AVL9: variants seen among roughly 807,000 people sequenced by gnomAD.
The protein encoded by AVL9 is AVL9 cell migration associated.
A neutral mutation model predicts 79.2 loss-of-function variants in AVL9; 49 were observed. That is an observed-to-expected ratio of 0.62 (90% confidence interval 0.49 to 0.79). AVL9 has a LOEUF of 0.79. Ranked by LOEUF, AVL9 falls within the 30% of genes least tolerant of loss-of-function variation. The probability of loss-of-function intolerance (pLI) is 0.00; values close to 1 mark genes in which losing one functional copy is unlikely to be tolerated. For synonymous variants in AVL9, 299 were observed against 280.6 expected, an observed-to-expected ratio of 1.07 and a Z score of -0.65; for missense variants, 682 against 776.8, an observed-to-expected ratio of 0.88 and a Z score of 1.45.
chr7:32,502,392 C>CAAAAAAAAAAAA (rs70992721), intron 1 of AVL9, among the ~76,000 whole-genome samples: 71 of 114,318 alleles, frequency 6.2e-4, no homozygotes, highest in African/African-American at 2.1e-3. Context: ...AACCCTTTCT[C>CAAAAAAAAAAAA]AAAAAAAAAA....
In AVL9 at chr7:32,583,906, G is replaced by A. The variant is rs575367113; in HGVS notation, c.1946G>A (p.Ter649=). Residue 649 remains the stop codon, a stop_retained_variant, in exon 16 of 16, where the codon TGA becomes TAA. Coordinates refer to ENST00000318709, the MANE Select transcript of AVL9 (RefSeq NM_015060.3). ...SLTEPPDEKP[*] is the part of the protein sequence containing the mutation. ...ACTGAGCCACCAGATGAGAAGCCTT[G>A]AGCAAGGCGTCAGAGGCTGCTATTG... 3 of 1,610,184 alleles carry A rather than the reference G, an allele frequency of 1.9e-6. No homozygotes were observed. In the Admixed American group the frequency reaches 5.0e-5, roughly 27 times the overall value.
Position 32,505,164 on chromosome 7 carries a change from G to C in AVL9, c.93+9362G>C, listed in dbSNP as rs114984548. On this transcript the variant is annotated intron_variant, in intron 1 of 15. Coordinates refer to ENST00000318709, the MANE Select transcript of AVL9 (RefSeq NM_015060.3). ...GCTGGGATTACAGGTGTGAATCACT[G>C]CACCCGGCCTGATCTTTTTATTTTA... Among the ~76,000 whole-genome samples the C allele has an allele frequency of 2.1e-3, 323 of 151,772 alleles. 3 individuals are homozygous for C. Among genetic ancestry groups the C allele is most frequent in the African/African-American group, 7.5e-3 (311 of 41,380 alleles).
At chr7:32,505,738 GA>G (rs35970407) in intron 1 of AVL9, among the ~76,000 whole-genome samples, 2 of 151,500 alleles carry the variant, frequency 1.3e-5, no homozygotes, top group Admixed American at 6.6e-5. Context: ...ATGTAATTTA[GA>G]AAAAAAAGAG....
At chr7:32,503,361 GATAT>G (rs367803456) in intron 1 of AVL9, among the ~76,000 whole-genome samples, 13,282 of 120,490 alleles carry the variant, frequency 0.11, 882 homozygotes, top group East Asian at 0.17. Context: ...GATATAGAGA[GATAT>G]ATATATATAC....
At chr7:32,533,065 G>A (rs1296117733) in intron 1 of AVL9, 1 of 152,306 alleles carries the variant, frequency 6.6e-6, no homozygotes. Flanking sequence ...CCAGCACTTT[G>A]GGAGGCTGAG....
chr7:32,586,401 G>T lies in AVL9; in HGVS notation c.*2494G>T, dbSNP rs1327774813. 2 of 151,914 alleles carry T rather than the reference G, an allele frequency of 1.3e-5. No homozygotes were observed. The highest frequency in any genetic ancestry group is 2.9e-5 in the Non-Finnish European group (2 of 68,032). 9.4% of individuals were successfully genotyped at this position (151,914 alleles called of 1,614,324 possible). ...AGGAACACTGGCTGTTGTATTGTTG[G>T]CAGGGGCCCCAAGGCAGCTCGCACA... On this transcript the variant is annotated 3_prime_UTR_variant, in exon 16 of 16. Coordinates refer to ENST00000318709, the MANE Select transcript of AVL9 (RefSeq NM_015060.3).
chr7:32,536,695 C>G (rs906798411), intron 1 of AVL9: 1 of 152,214 alleles, frequency 6.6e-6, no homozygotes, highest in South Asian at 2.1e-4. Flanking sequence ...GCACCAATCA[C>G]AAGTCCTGGG....
chr7:32,564,578 C>T (rs1010452305), intron 10 of AVL9, among the ~76,000 whole-genome samples: 4 of 152,088 alleles, frequency 2.6e-5, no homozygotes, highest in Admixed American at 2.0e-4. Flanking sequence ...TAATTATTTC[C>T]GGAAGAAAGT....
At chr7:32,523,115 C>A (rs1788234053) in intron 1 of AVL9, among the ~76,000 whole-genome samples, 1 of 122,800 alleles carries the variant, frequency 8.1e-6, no homozygotes, top group Middle Eastern at 6.0e-3. Flanking sequence ...CCTCATGGGT[C>A]TATAGATGGT....
At chr7:32,534,882 A>T (rs530113230) in intron 1 of AVL9, 8 of 152,300 alleles carry the variant, frequency 5.3e-5, no homozygotes, top group African/African-American at 1.9e-4. Flanking sequence ...TGGAAGGTGG[A>T]GGTTGCAGTG....
At chr7:32,548,143 T>G (rs1789609790) in intron 3 of AVL9, among the ~76,000 whole-genome samples, 1 of 125,876 alleles carries the variant, frequency 7.9e-6, no homozygotes, top group Admixed American at 8.8e-5. Context: ...TTTTGTCATC[T>G]CTTTTTTCTT....
intron 5 of AVL9, among the ~76,000 whole-genome samples, chr7:32,551,747 T>C (rs1381434870): frequency 2.0e-5 from 3 of 151,928 alleles, no homozygotes; most frequent in Non-Finnish European, 4.4e-5. Context: ...GCACAGTATT[T>C]TTATATATTA....
intron 1 of AVL9, among the ~76,000 whole-genome samples, chr7:32,505,701 C>G (rs570681189): frequency 5.3e-5 from 8 of 152,114 alleles, no homozygotes; most frequent in Non-Finnish European, 1.5e-5. Flanking sequence ...TCTCCACTTG[C>G]GTTCTTTAAT....
intron 1 of AVL9, among the ~76,000 whole-genome samples, chr7:32,502,966 G>T (rs1430245316): frequency 6.6e-6 from 1 of 152,152 alleles, no homozygotes; most frequent in East Asian, 1.9e-4. Context: ...TTGATTGGGA[G>T]ACCACATCTA....
At chr7:32,499,040 G>GT in intron 1 of AVL9, among the ~76,000 whole-genome samples, 1 of 131,586 alleles carries the variant, frequency 7.6e-6, no homozygotes, top group Non-Finnish European at 1.6e-5. Context: ...GCACATGCCT[G>GT]TGATCCCAGC....
chr7:32,527,638 T>C (rs2128127021), intron 1 of AVL9, among the ~76,000 whole-genome samples: 1 of 152,282 alleles, frequency 6.6e-6, no homozygotes, highest in South Asian at 2.1e-4. Context: ...TTGCTGACTC[T>C]AACACCCTTG....
intron 1 of AVL9, among the ~76,000 whole-genome samples, chr7:32,506,144 CA>C (rs929059697): frequency 3.3e-5 from 5 of 151,862 alleles, no homozygotes; most frequent in African/African-American, 1.2e-4. Flanking sequence ...AAGAGATTAA[CA>C]AAAAAATTTT....
intron 12 of AVL9, 30 bp from the exon 13 acceptor site, chr7:32,575,925 C>A: frequency 6.6e-7 from 1 of 1,504,386 alleles, no homozygotes; most frequent in Non-Finnish European, 9.3e-7. Flanking sequence ...TACAGCCCAG[C>A]TCAACTTCTT....
At chr7:32,506,729 T>C (rs1469165101) in intron 1 of AVL9, among the ~76,000 whole-genome samples, 1 of 148,932 alleles carries the variant, frequency 6.7e-6, no homozygotes, top group Non-Finnish European at 1.5e-5. Flanking sequence ...CTGGACAACA[T>C]AGACCCTGTC....
Sources: gnomAD v4.1 joint callset for allele counts (sites outside exome capture counted in the v4.1 genomes callset) on GRCh38, gnomAD v4.1.1 for gene constraint, MANE v1.5 for transcripts, NCBI Gene and HGNC (gene_info 2026-07-23, HGNC 2026-07-21) for gene names.